Variants in KCNH5 observed in about 807,000 individuals in gnomAD.
KCNH5 encodes the protein potassium voltage-gated channel subfamily H member 5, also known as voltage-gated delayed rectifier potassium channel KCNH5.
In KCNH5, 46 loss-of-function variants were observed where a neutral mutation model predicts 96.1. That is an observed-to-expected ratio of 0.48 (90% CI 0.38 to 0.61). KCNH5 has a LOEUF of 0.61. Among genes scored for constraint, KCNH5 ranks in the 20% least tolerant of loss-of-function variants. The pLI is 0.00. For missense variants in KCNH5, 907 were observed against 1,225.8 expected (o/e 0.74, Z 3.88); for synonymous variants, 439 against 449.8 (o/e 0.98, Z 0.30).
chr14:62,790,896 A>G (rs752845271), intron 9 of KCNH5, among the ~76,000 whole-genome samples: 1 of 151,948 alleles, frequency 6.6e-6, no homozygotes, highest in South Asian at 2.1e-4. Context: ...CTTTTTCTAC[A>G]TATAGAATCA....
rs1884373351 is a variant in KCNH5, at chr14:62,703,177, T to C, written c.*4331A>G. ...TTTCCACGTTTATTTGATTTGTAGT[T>C]CTAAATTCCCACATAAGTATGAAGT... On this transcript the variant is annotated 3_prime_UTR_variant, in exon 11 of 11. Coordinates refer to ENST00000322893, the MANE Select transcript of KCNH5 (RefSeq NM_139318.5). 6.6e-6 allele frequency: 1 copy of C among 151,928 alleles called. No homozygotes were observed. Among genetic ancestry groups the C allele is most frequent in the African/African-American group, 2.4e-5 (1 of 41,432 alleles). 9.4% of individuals were successfully genotyped at this position (151,928 alleles called of 1,614,324 possible).
intron 7 of KCNH5, among the ~76,000 whole-genome samples, chr14:62,913,822 A>T (rs1196393438): frequency 6.6e-6 from 1 of 152,226 alleles, no homozygotes; most frequent in East Asian, 1.9e-4. Context: ...GCAGTAATAC[A>T]CCCCTGAAGC....
chr14:63,038,049 C>G (rs1050983465), intron 1 of KCNH5, among the ~76,000 whole-genome samples: 21 of 152,304 alleles, frequency 1.4e-4, no homozygotes, highest in African/African-American at 4.6e-4. Context: ...TTTCATATTC[C>G]TTTCTCATCC....
intron 7 of KCNH5, among the ~76,000 whole-genome samples, chr14:62,873,765 A>G (rs1229882733): frequency 3.3e-5 from 5 of 152,212 alleles, no homozygotes; most frequent in African/African-American, 1.2e-4. Flanking sequence ...TAGAAATAAC[A>G]AGAAATGATA....
At chr14:62,816,017 AAGAAT>A (rs1250234217) in intron 8 of KCNH5, among the ~76,000 whole-genome samples, 3 of 151,898 alleles carry the variant, frequency 2.0e-5, no homozygotes. Flanking sequence ...GATGATATAA[AAGAAT>A]ATATATATAT....
intron 9 of KCNH5, among the ~76,000 whole-genome samples, chr14:62,792,658 T>G (rs2139990091): frequency 6.6e-6 from 1 of 151,774 alleles, no homozygotes; most frequent in East Asian, 1.9e-4. Context: ...TCGTTCATAT[T>G]ATAACTAAGT....
intron 7 of KCNH5, among the ~76,000 whole-genome samples, chr14:62,910,237 A>G (rs1482035704): frequency 2.6e-5 from 4 of 152,124 alleles, no homozygotes; most frequent in African/African-American, 9.7e-5. Context: ...AATAGAAGAA[A>G]TATTGCCTGT....
intron 2 of KCNH5, among the ~76,000 whole-genome samples, chr14:63,010,107 G>T (rs1891198066): frequency 6.6e-6 from 1 of 152,044 alleles, no homozygotes; most frequent in African/African-American, 2.4e-5. Context: ...AATAGAATTG[G>T]ATTCACAGAA....
intron 5 of KCNH5, among the ~76,000 whole-genome samples, chr14:62,981,861 G>A (rs979812420): frequency 5.3e-5 from 8 of 151,950 alleles, no homozygotes; most frequent in African/African-American, 1.9e-4. Context: ...TTCCTTTAGG[G>A]AAAAAAATAT....
intron 10 of KCNH5, among the ~76,000 whole-genome samples, chr14:62,719,963 A>T (rs116368973): frequency 0.01 from 1,552 of 152,352 alleles, 23 homozygotes; most frequent in African/African-American, 0.035. Flanking sequence ...AGTTAGGAAT[A>T]TATCTGTAAA....
At chr14:62,849,411 T>C (rs1339206107) in intron 8 of KCNH5, among the ~76,000 whole-genome samples, 1 of 152,194 alleles carries the variant, frequency 6.6e-6, no homozygotes, top group Admixed American at 6.5e-5. Context: ...AATAATGAGT[T>C]ATTTTCACGA....
At chr14:62,985,481 C>A (rs755582962) in intron 5 of KCNH5, among the ~76,000 whole-genome samples, 9 of 152,102 alleles carry the variant, frequency 5.9e-5, no homozygotes, top group Non-Finnish European at 1.3e-4. Context: ...AACTGATAAG[C>A]GTATGGATTT....
At chr14:62,784,137 G>A (rs929959229) in intron 9 of KCNH5, among the ~76,000 whole-genome samples, 11 of 152,148 alleles carry the variant, frequency 7.2e-5, no homozygotes, top group African/African-American at 2.4e-4. Context: ...AATCATGGCC[G>A]AAGGCACATG....
chr14:62,930,673 G>T (rs1889564206), intron 7 of KCNH5, among the ~76,000 whole-genome samples: 1 of 152,220 alleles, frequency 6.6e-6, no homozygotes, highest in Admixed American at 6.5e-5. Flanking sequence ...GCATTGTGAA[G>T]AATTCCCTGT....
chr14:62,712,697 T>C, intron 10 of KCNH5: 1 of 779,214 alleles, frequency 1.3e-6, no homozygotes, highest in South Asian at 1.4e-5. Context: ...TCACAGAGCG[T>C]TTGCCATGGA....
At chr14:63,037,314 C>T (rs1177454651) in intron 1 of KCNH5, among the ~76,000 whole-genome samples, 1 of 152,126 alleles carries the variant, frequency 6.6e-6, no homozygotes, top group Non-Finnish European at 1.5e-5. Flanking sequence ...CACATGCCCT[C>T]CACAGAAAAA....
At position 62,912,772 on chromosome 14, in the gene KCNH5, T is replaced by C. The variant is rs989528391; in HGVS notation, c.1369+37361A>G. On this transcript the variant is annotated intron_variant, in intron 7 of 10. Coordinates refer to ENST00000322893, the MANE Select transcript of KCNH5 (RefSeq NM_139318.5). ...CACACACAAATATGACATAGTTAAA[T>C]ATAAAATTAATAGTTTTCATAAGCC... Among the ~76,000 whole-genome samples the C allele has an allele frequency of 5.9e-5, 9 of 152,312 alleles. No individual in the cohort carries two copies. The East Asian group carries it at 1.5e-3, about 26-fold the overall frequency.
At chr14:62,826,839 T>C (rs112499031) in intron 8 of KCNH5, among the ~76,000 whole-genome samples, 6 of 152,138 alleles carry the variant, frequency 3.9e-5, no homozygotes, top group African/African-American at 1.4e-4. Context: ...TGTATTTTAC[T>C]TTACTATTTT....
chr14:62,997,653 T>C (rs1337170349), intron 4 of KCNH5, among the ~76,000 whole-genome samples: 1 of 151,838 alleles, frequency 6.6e-6, no homozygotes, highest in East Asian at 1.9e-4. Context: ...AAAATATTGG[T>C]TTGGAAGGCC....
Sources: allele counts gnomAD v4.1 joint callset (sites outside exome capture counted in the v4.1 genomes callset), GRCh38; gene constraint gnomAD v4.1.1; transcripts MANE v1.5; gene names NCBI Gene and HGNC (gene_info 2026-07-23, HGNC 2026-07-21).